The following MKLN1 variants were observed in gnomAD, a reference collection of about 807,000 sequenced individuals.
MKLN1 encodes the protein muskelin.
In MKLN1, 18 loss-of-function variants were observed where a neutral mutation model predicts 99.0. That is an observed-to-expected ratio of 0.18 (90% CI 0.13 to 0.27). MKLN1 has a LOEUF of 0.27. Among genes scored for constraint, MKLN1 ranks in the 10% least tolerant of loss-of-function variants. MKLN1 has a pLI of 1.00. For missense variants in MKLN1, 621 were observed against 875.9 expected (o/e 0.71, Z 3.67); for synonymous variants, 288 against 293.2 (o/e 0.98, Z 0.18).
At chr7:131,412,721 A>G (rs1219635342) in intron 7 of MKLN1, among the ~76,000 whole-genome samples, 1 of 152,196 alleles carries the variant, frequency 6.6e-6, no homozygotes, top group Non-Finnish European at 1.5e-5. Context: ...GATAATTAAC[A>G]TAGTGGAAAG....
At chr7:131,371,323 C>T (rs1202787611) in intron 1 of MKLN1, among the ~76,000 whole-genome samples, 3 of 152,122 alleles carry the variant, frequency 2.0e-5, no homozygotes, top group South Asian at 2.1e-4. Context: ...CTTTGGCATT[C>T]TTCGGTTTCT....
intron 3 of MKLN1, among the ~76,000 whole-genome samples, chr7:131,266,757 T>C (rs372209726): frequency 5.1e-4 from 77 of 152,038 alleles, no homozygotes; most frequent in African/African-American, 1.7e-3. Context: ...TACCTCCATT[T>C]TCTTAAGCTT....
chr7:131,490,166 T>C lies in MKLN1; in HGVS notation c.*2438T>C, dbSNP rs762789272. 6.6e-6 allele frequency: 1 copy of C among 152,614 alleles called. No homozygotes were observed. The highest frequency in any genetic ancestry group is 2.1e-4 in the South Asian group (1 of 4,838). 9.5% of individuals were successfully genotyped at this position (152,614 alleles called of 1,614,324 possible). A position where few individuals can be genotyped will look rare whatever the true frequency, so the allele number is the denominator to read the frequency against. On this transcript the variant is annotated 3_prime_UTR_variant, in exon 18 of 18. Transcript: ENST00000352689. The stretch of plus-strand genomic sequence containing the variant: ...AGATTATAATTTAAATAATCGAATT[T>C]GGTATTTAGGTACATTGTTTATATA...
intron 2 of MKLN1, among the ~76,000 whole-genome samples, chr7:131,172,403 C>A (rs1474395124): frequency 4.6e-5 from 7 of 152,086 alleles, no homozygotes; most frequent in African/African-American, 1.7e-4. Context: ...GGAAGCTCCA[C>A]CTTCTGGGTT....
At position 131,307,261 on chromosome 7, in the gene MKLN1, C is replaced by A. The variant is rs77112806; in HGVS notation, c.-178-68163C>A. 9.6e-3 allele frequency among the ~76,000 whole-genome samples: 1,456 copies of A among 152,246 alleles called. 22 individuals are homozygous for A. The highest frequency in any genetic ancestry group is 0.033 in the African/African-American group (1,371 of 41,536). ...AGGATGTGTGGAAACACCTGGATAT[C>A]CAGGCAGAAGTCTGCTGCAGGGGTA... On this transcript the variant is annotated intron_variant, in intron 3 of 7. Transcript: ENST00000416992.
intron 1 of MKLN1, among the ~76,000 whole-genome samples, chr7:131,356,440 C>T (rs1172150061): frequency 2.0e-5 from 3 of 151,616 alleles, no homozygotes; most frequent in Admixed American, 6.6e-5. Flanking sequence ...TGTAACATTT[C>T]CCCCCCCAAG....
intron 1 of MKLN1, among the ~76,000 whole-genome samples, chr7:131,362,810 G>A (rs567912718): frequency 5.3e-5 from 8 of 151,518 alleles, no homozygotes; most frequent in Admixed American, 2.0e-4. Flanking sequence ...TTTTTTGGGG[G>A]AGGATTTTTA....
chr7:131,391,727 G>A (rs546687963), intron 4 of MKLN1, among the ~76,000 whole-genome samples: 2 of 152,324 alleles, frequency 1.3e-5, no homozygotes, highest in Admixed American at 6.5e-5. Context: ...GGTAGGATAG[G>A]TAGCTATATT....
chr7:131,213,415 C>T (rs555848959), intron 3 of MKLN1, among the ~76,000 whole-genome samples: 1 of 152,270 alleles, frequency 6.6e-6, no homozygotes, highest in Middle Eastern at 3.4e-3. Context: ...CTATAACAAA[C>T]AATGCTGCAA....
At chr7:131,247,235 C>CTTTTTTTTTTTTTTTTT (rs72068521) in intron 3 of MKLN1, among the ~76,000 whole-genome samples, 10 of 141,142 alleles carry the variant, frequency 7.1e-5, no homozygotes, top group East Asian at 2.1e-4. Flanking sequence ...TTTCTTTTTT[C>CTTTTTTTTTTTTTTTTT]TTTTTTTTTT....
intron 8 of MKLN1, among the ~76,000 whole-genome samples, chr7:131,415,523 T>G (rs1043845668): frequency 5.3e-5 from 8 of 152,144 alleles, no homozygotes; most frequent in African/African-American, 1.9e-4. Context: ...AGAAGAGAAA[T>G]TATAATTTTT....
chr7:131,436,382 T>C (rs1795676770), intron 9 of MKLN1, among the ~76,000 whole-genome samples: 1 of 152,204 alleles, frequency 6.6e-6, no homozygotes, highest in African/African-American at 2.4e-5. Flanking sequence ...CTGTGTCCAC[T>C]TTATACATCA....
chr7:131,484,832 C>G (rs1797229047), intron 17 of MKLN1, among the ~76,000 whole-genome samples: 1 of 151,082 alleles, frequency 6.6e-6, no homozygotes. Flanking sequence ...TTAAGTTGAG[C>G]AAATGAGTAC....
rs532091185 is a variant in MKLN1, at chr7:131,493,236, C to T, written c.*5508C>T. ...TTTTTATCTGCTTTTCAGACAGCCT[C>T]AGTGAACTATTAAACATTTGTGTGC... On this transcript the variant is annotated 3_prime_UTR_variant, in exon 18 of 18. Transcript: ENST00000352689. 1.3e-5 allele frequency: 2 copies of T among 152,198 alleles called. No individual in the cohort carries two copies. The highest frequency in any genetic ancestry group is 3.9e-4 in the East Asian group (2 of 5,176). 9.4% of individuals were successfully genotyped at this position (152,198 alleles called of 1,614,324 possible). A position where few individuals can be genotyped will look rare whatever the true frequency, so the allele number is the denominator to read the frequency against.
rs189224778 is a variant in MKLN1, at chr7:131,421,507, C to T, written c.847+6797C>T. On this transcript the variant is annotated intron_variant, in intron 8 of 17. Transcript: ENST00000352689. Reference sequence around the variant, plus strand: ...TCCCTGGGATTGAATCCTGGCTCTACCCCTGACTTCTTATTCGATCTTGAA... The same window carrying T: ...TCCCTGGGATTGAATCCTGGCTCTATCCCTGACTTCTTATTCGATCTTGAA... 8.8e-3 allele frequency among the ~76,000 whole-genome samples: 1,333 copies of T among 152,204 alleles called. 12 individuals are homozygous for T. Among genetic ancestry groups the T allele is most frequent in the Non-Finnish European group, 0.012 (802 of 68,006 alleles).
At chr7:131,213,072 T>C (rs555402381) in intron 3 of MKLN1, among the ~76,000 whole-genome samples, 13 of 152,286 alleles carry the variant, frequency 8.5e-5, no homozygotes, top group South Asian at 2.1e-4. Flanking sequence ...TCCTTCCCTC[T>C]TTTCACAAAA....
At chr7:131,355,032 G>A (rs1799832328) in intron 1 of MKLN1, among the ~76,000 whole-genome samples, 1 of 152,014 alleles carries the variant, frequency 6.6e-6, no homozygotes, top group South Asian at 2.1e-4. Flanking sequence ...CCTACTGCGT[G>A]GCCTCCCAAA....
chr7:131,139,752 G>T (rs1479401476), intron 1 of MKLN1, among the ~76,000 whole-genome samples: 1 of 152,214 alleles, frequency 6.6e-6, no homozygotes. Flanking sequence ...CAGGAAGTCT[G>T]TGTGGACCTC....
chr7:131,116,314 G>A (rs562026632), intron 1 of MKLN1, among the ~76,000 whole-genome samples: 148 of 152,146 alleles, frequency 9.7e-4, no homozygotes, highest in African/African-American at 3.3e-3. Flanking sequence ...TGATTACTAG[G>A]ATTTTAAGAT....
Sources: allele counts gnomAD v4.1 joint callset (sites outside exome capture counted in the v4.1 genomes callset), GRCh38; gene constraint gnomAD v4.1.1; transcripts MANE v1.5; gene names NCBI Gene and HGNC (gene_info 2026-07-23, HGNC 2026-07-21).